CRB1: variants seen among roughly 807,000 people sequenced by gnomAD.
CRB1 encodes the protein crumbs cell polarity complex component 1.
In CRB1, 83 loss-of-function variants were observed where a neutral mutation model predicts 120.0. That is an observed-to-expected ratio of 0.69 (90% confidence interval 0.58 to 0.83). The LOEUF (loss-of-function observed/expected upper bound fraction) is 0.83. CRB1 is among the 40% of genes least tolerant of loss of function. The pLI is 0.00. For synonymous variants in CRB1, 625 were observed against 612.5 expected (o/e 1.02, Z -0.30); for missense variants, 1,699 against 1,687.6 (o/e 1.01, Z -0.12).
intron 5 of CRB1, among the ~76,000 whole-genome samples, chr1:197,358,464 A>C (rs1660600888): frequency 6.6e-6 from 1 of 152,348 alleles, no homozygotes; most frequent in South Asian, 2.1e-4. Context: ...AATGTTCCAG[A>C]AAAGTGTTGG....
intron 11 of CRB1, among the ~76,000 whole-genome samples, chr1:197,456,885 T>C (rs1338367007): frequency 1.3e-5 from 2 of 152,128 alleles, no homozygotes; most frequent in Non-Finnish European, 1.5e-5. Context: ...TCAATTTGCT[T>C]AAAAATCGTA....
intron 4 of CRB1, among the ~76,000 whole-genome samples, chr1:197,356,214 A>C (rs1040201417): frequency 1.3e-5 from 2 of 152,248 alleles, no homozygotes; most frequent in Non-Finnish European, 2.9e-5. Flanking sequence ...TGTATTTCTT[A>C]CAGTTGCTCG....
chr1:197,359,514 G>A (rs957258033), intron 5 of CRB1, among the ~76,000 whole-genome samples: 5 of 151,804 alleles, frequency 3.3e-5, no homozygotes, highest in African/African-American at 4.8e-5. Flanking sequence ...TTCAGTTTTC[G>A]GCTATTAATT....
At position 197,435,576 on chromosome 1, in the gene CRB1, G is replaced by A. The variant is rs78471980; in HGVS notation, c.3713G>A (p.Cys1238Tyr). Residue 1238 changes from cysteine to tyrosine, a missense_variant, in exon 9 of 12, where the codon TGC (cysteine) becomes TAC (tyrosine). Coordinates refer to ENST00000367400, the MANE Select transcript of CRB1 (RefSeq NM_201253.3). Reference protein sequence around the residue: ...TCISHTNGYSCLCFGNFTGKF... With the variant: ...TCISHTNGYSYLCFGNFTGKF... ...ATTAGTCATACTAATGGCTATTCTT[G>A]CCTCTGTTTTGGAAATTTTACAGGA... 1 of 1,613,176 alleles carries A rather than the reference G, an allele frequency of 6.2e-7. No individual in the cohort carries two copies. Among genetic ancestry groups the A allele is most frequent in the African/African-American group, 1.3e-5 (1 of 74,862 alleles).
the CRB1 span, among the ~76,000 whole-genome samples, chr1:197,204,832 T>C: frequency 1.3e-5 from 2 of 152,184 alleles, no homozygotes; most frequent in African/African-American, 4.8e-5. Flanking sequence ...GGGTTCTTGG[T>C]CATGAAGTCT....
In CRB1 at chr1:197,357,886, T is replaced by A. The variant is rs1485011716; in HGVS notation, c.1171+873T>A. Reference sequence around the variant, plus strand: ...GCAAGGTCGATAAAAAAAATGTTTATTTCCTTATTCACTGACCTTTCAAGG... The same window carrying A: ...GCAAGGTCGATAAAAAAAATGTTTAATTCCTTATTCACTGACCTTTCAAGG... On this transcript the variant is annotated intron_variant, in intron 5 of 11. Coordinates refer to ENST00000367400, the MANE Select transcript of CRB1 (RefSeq NM_201253.3). 4 of 152,220 alleles carry A rather than the reference T, an allele frequency of 2.6e-5. 1 individual carries two copies. Among genetic ancestry groups the A allele is most frequent in the African/African-American group, 9.6e-5 (4 of 41,460 alleles). 9.4% of individuals were successfully genotyped at this position (152,220 alleles called of 1,614,324 possible).
At chr1:197,399,940 G>C (rs1019455515) in intron 5 of CRB1, among the ~76,000 whole-genome samples, 1 of 152,168 alleles carries the variant, frequency 6.6e-6, no homozygotes, top group Non-Finnish European at 1.5e-5. Flanking sequence ...AATCACTGAA[G>C]TGATATCTCA....
At chr1:197,375,894 C>G (rs1209354259) in intron 5 of CRB1, among the ~76,000 whole-genome samples, 1 of 152,096 alleles carries the variant, frequency 6.6e-6, no homozygotes, top group Non-Finnish European at 1.5e-5. Context: ...TATACTTACT[C>G]TCTACTTTTT....
chr1:197,386,496 C>G (rs2125407782), intron 5 of CRB1, among the ~76,000 whole-genome samples: 1 of 152,244 alleles, frequency 6.6e-6, no homozygotes, highest in South Asian at 2.1e-4. Flanking sequence ...TCTCTGCATG[C>G]AAAGTAGACA....
intron 5 of CRB1, among the ~76,000 whole-genome samples, chr1:197,385,469 G>A (rs993550699): frequency 9.9e-5 from 15 of 152,032 alleles, no homozygotes; most frequent in Admixed American, 2.0e-4. Flanking sequence ...TAGGTTTTCA[G>A]ATTTTTCTCC....
At chr1:197,279,848 T>A (rs914864858) in intron 1 of CRB1, among the ~76,000 whole-genome samples, 15 of 150,938 alleles carry the variant, frequency 9.9e-5, no homozygotes, top group East Asian at 2.0e-4. Flanking sequence ...TTTTTTTTTT[T>A]AAATTAGAGG....
intron 5 of CRB1, among the ~76,000 whole-genome samples, chr1:197,364,971 A>G (rs1478550057): frequency 6.6e-6 from 1 of 152,138 alleles, no homozygotes; most frequent in Non-Finnish European, 1.5e-5. Context: ...GACATTTTAG[A>G]TATTAAGTTA....
intron 7 of CRB1, chr1:197,429,086 T>C: frequency 9.3e-6 from 14 of 1,511,004 alleles, no homozygotes; most frequent in Non-Finnish European, 1.2e-5. Flanking sequence ...AACACCTTCT[T>C]TTTATCATCT....
At chr1:197,241,823 G>A in the CRB1 span, among the ~76,000 whole-genome samples, 1 of 151,922 alleles carries the variant, frequency 6.6e-6, no homozygotes, top group Non-Finnish European at 1.5e-5. Context: ...TCCCATCCAT[G>A]AGCATGGAAT....
chr1:197,421,020 G>A lies in CRB1; in HGVS notation c.1192G>A (p.Val398Ile), dbSNP rs144011428. ...GFTGIHCEED[V>I]NECSSNPCQN... ...AACAGGAATCCACTGCGAAGAAGAC[G>A]TCAATGAATGTTCTTCAAACCCTTG... is the stretch of plus-strand genomic sequence containing the variant. Residue 398 changes from valine (V) to isoleucine (I), a missense_variant, in exon 6 of 12, where the codon GTC becomes ATC. Transcript: ENST00000367400. 9.3e-5 allele frequency: 150 copies of A among 1,605,450 alleles called. No homozygotes were observed. Among genetic ancestry groups the A allele is most frequent in the Middle Eastern group, 5.0e-4 (3 of 6,040 alleles).
intron 5 of CRB1, among the ~76,000 whole-genome samples, chr1:197,358,497 A>G (rs1265773049): frequency 6.6e-6 from 1 of 152,228 alleles, no homozygotes; most frequent in Non-Finnish European, 1.5e-5. Context: ...AAGAGCTGCC[A>G]GGAATGACTA....
At chr1:197,266,367 T>G (rs1234611679), upstream of CRB1, among the ~76,000 whole-genome samples, 3 of 152,068 alleles carry the variant, frequency 2.0e-5, no homozygotes, top group African/African-American at 7.2e-5. Context: ...ATAAACTCCC[T>G]CAGGCCTCTT....
At chr1:197,296,101 A>G (rs1318155360) in intron 1 of CRB1, among the ~76,000 whole-genome samples, 3 of 152,046 alleles carry the variant, frequency 2.0e-5, no homozygotes, top group Non-Finnish European at 4.4e-5. Flanking sequence ...ACAAAATACA[A>G]ATTGTTTAAA....
intron 1 of CRB1, among the ~76,000 whole-genome samples, chr1:197,277,650 T>C (rs1655288328): frequency 6.6e-6 from 1 of 152,038 alleles, no homozygotes. Flanking sequence ...TTTCATTATC[T>C]ATTCTTTTAA....
Sources: allele counts gnomAD v4.1 joint callset (sites outside exome capture counted in the v4.1 genomes callset), GRCh38; gene constraint gnomAD v4.1.1; transcripts MANE v1.5; gene names NCBI Gene and HGNC (gene_info 2026-07-23, HGNC 2026-07-21).